BBS9: variants seen among roughly 807,000 people sequenced by gnomAD.
The protein encoded by BBS9 is protein PTHB1.
A neutral mutation model predicts 117.7 loss-of-function variants in BBS9; 89 were observed. That is an observed-to-expected ratio of 0.76 (90% CI 0.64 to 0.90). The LOEUF (loss-of-function observed/expected upper bound fraction) is 0.90, where lower values mean the gene tolerates loss of function less well. BBS9 is among the 40% of genes least tolerant of loss of function. The pLI is 0.00. For missense variants in BBS9, 982 were observed against 1,042.2 expected (o/e 0.94, Z 0.80); for synonymous variants, 379 against 370.9 (o/e 1.02, Z -0.25).
At chr7:33,338,708 C>G (rs1007837756) in intron 10 of BBS9, among the ~76,000 whole-genome samples, 4 of 152,162 alleles carry the variant, frequency 2.6e-5, no homozygotes, top group African/African-American at 4.8e-5. Context: ...CTGTATGGCT[C>G]ATGGATTCTG....
intron 19 of BBS9, among the ~76,000 whole-genome samples, chr7:33,423,019 A>G (rs185970383): frequency 7.2e-4 from 109 of 152,266 alleles, no homozygotes; most frequent in African/African-American, 2.4e-3. Flanking sequence ...TGACCCTTCT[A>G]TCAGAACTGA....
At chr7:33,301,440 TC>T (rs1200205478) in intron 9 of BBS9, among the ~76,000 whole-genome samples, 1 of 152,138 alleles carries the variant, frequency 6.6e-6, no homozygotes, top group African/African-American at 2.4e-5. Context: ...ATTCCCAGCC[TC>T]TGGTAACCAT....
At chr7:33,592,231 A>T (rs1252462747) in intron 21 of BBS9, among the ~76,000 whole-genome samples, 14 of 152,064 alleles carry the variant, frequency 9.2e-5, no homozygotes, top group Admixed American at 9.2e-4. Context: ...ATAATAGCTA[A>T]CATTTACTGG....
chr7:33,261,579 C>T (rs1481414750), intron 6 of BBS9, among the ~76,000 whole-genome samples: 1 of 152,154 alleles, frequency 6.6e-6, no homozygotes, highest in African/African-American at 2.4e-5. Flanking sequence ...AACTTCCTGC[C>T]ACTCACTGAG....
intron 21 of BBS9, among the ~76,000 whole-genome samples, chr7:33,560,206 G>A (rs10486538): frequency 0.044 from 6,765 of 152,216 alleles, 213 homozygotes; most frequent in East Asian, 0.19. Flanking sequence ...GCTGCAGGAC[G>A]GATGGGTATA....
At chr7:33,143,000 C>T (rs976825378) in intron 1 of BBS9, among the ~76,000 whole-genome samples, 25 of 151,592 alleles carry the variant, frequency 1.6e-4, no homozygotes, top group Non-Finnish European at 2.6e-4. Flanking sequence ...GATGGAGTCT[C>T]GCTCTGTCGC....
At chr7:33,135,721 A>T (rs1328927732) in intron 1 of BBS9, among the ~76,000 whole-genome samples, 3 of 152,202 alleles carry the variant, frequency 2.0e-5, no homozygotes, top group Admixed American at 2.0e-4. Context: ...CAGAGAAGCC[A>T]TCTGGGAATC....
intron 9 of BBS9, among the ~76,000 whole-genome samples, chr7:33,301,312 A>C (rs1249908129): frequency 6.6e-6 from 1 of 152,050 alleles, no homozygotes; most frequent in Non-Finnish European, 1.5e-5. Context: ...TAAATATATA[A>C]TTAAATTATT....
rs1490581798 is a variant in BBS9 at position 33,152,682 on chromosome 7, T to A, written c.113-19T>A. 6.2e-7 allele frequency: 1 copy of A among 1,603,102 alleles called. No individual in the cohort carries two copies. The highest frequency in any genetic ancestry group is 2.2e-5 in the East Asian group (1 of 44,772). On this transcript the variant is annotated intron_variant, in intron 2 of 22. Transcript: ENST00000242067. ...TGTTTGTTTCTCCCTCTATCTTTTT[T>A]TTTTTAAATTCTCTACAGATAAAAT...
In BBS9 at chr7:33,194,394, C is replaced by T. The variant is rs1285433201; in HGVS notation, c.442+16803C>T. Among the ~76,000 whole-genome samples the T allele has an allele frequency of 2.0e-5, 3 of 152,252 alleles. No individual in the cohort carries two copies. The East Asian group carries it at 5.8e-4, about 29-fold the overall frequency. ...CTTGGAAACATCTGCTTTATGGTCACCATATTTTAAAGATTGTGGTATGAA... is the reference window on the plus strand; with the variant it reads ...CTTGGAAACATCTGCTTTATGGTCATCATATTTTAAAGATTGTGGTATGAA... On this transcript the variant is annotated intron_variant, in intron 5 of 22. Transcript: ENST00000242067.
intron 21 of BBS9, among the ~76,000 whole-genome samples, chr7:33,591,054 G>C (rs1444136702): frequency 6.6e-6 from 1 of 152,016 alleles, no homozygotes; most frequent in African/African-American, 2.4e-5. Context: ...TACAGGAGCT[G>C]ATTGGTCATT....
chr7:33,491,451 G>A (rs1334749177), intron 19 of BBS9, among the ~76,000 whole-genome samples: 1 of 152,166 alleles, frequency 6.6e-6, no homozygotes, highest in Admixed American at 6.5e-5. Flanking sequence ...GGTATTCTAG[G>A]TACTAGCTCT....
intron 19 of BBS9, among the ~76,000 whole-genome samples, chr7:33,420,960 C>T (rs1267252307): frequency 6.6e-6 from 1 of 152,164 alleles, no homozygotes; most frequent in East Asian, 1.9e-4. Context: ...TCCGTATCAT[C>T]GAGGCCTCTC....
chr7:33,180,361 A>AT (rs34742892), intron 5 of BBS9, among the ~76,000 whole-genome samples: 163 of 136,974 alleles, frequency 1.2e-3, no homozygotes, highest in Middle Eastern at 3.8e-3. Flanking sequence ...CTTGCTGAGA[A>AT]TTTTTTTTTT....
intron 9 of BBS9, among the ~76,000 whole-genome samples, chr7:33,296,215 TC>T (rs766726047): frequency 2.0e-4 from 30 of 152,174 alleles, no homozygotes; most frequent in Non-Finnish European, 3.8e-4. Context: ...TCTGGAATTC[TC>T]CGTTAGAGAC....
Position 33,351,213 on chromosome 7 carries a change from T to A in BBS9, c.1433-6T>A. On this transcript the variant is annotated splice_polypyrimidine_tract_variant and splice_region_variant and intron_variant, in intron 13 of 22. Coordinates refer to ENST00000242067, the MANE Select transcript of BBS9 (RefSeq NM_198428.3). ...GTAATTTATATTATTTTTACATTGC[T>A]TATAGCACCAGATTTGACTAGAACA... 6.3e-7 allele frequency: 1 copy of A among 1,575,258 alleles called. No homozygotes were observed. Among genetic ancestry groups the A allele is most frequent in the Non-Finnish European group, 8.7e-7 (1 of 1,144,872 alleles).
chr7:33,130,598 A>G (rs1161658487), intron 1 of BBS9, among the ~76,000 whole-genome samples: 1 of 152,198 alleles, frequency 6.6e-6, no homozygotes, highest in Non-Finnish European at 1.5e-5. Flanking sequence ...GTCCTCATTG[A>G]TAAACAACTT....
intron 9 of BBS9, among the ~76,000 whole-genome samples, chr7:33,294,338 T>C (rs1562950939): frequency 2.2e-4 from 31 of 141,788 alleles, no homozygotes; most frequent in African/African-American, 8.2e-4. Context: ...TCTATCTATC[T>C]ATCTATCTAT....
intron 19 of BBS9, among the ~76,000 whole-genome samples, chr7:33,481,955 A>G (rs998285875): frequency 3.3e-5 from 5 of 152,194 alleles, no homozygotes; most frequent in Admixed American, 1.3e-4. Context: ...GACGTTTTTC[A>G]TGGGAAAATT....
Sources: gnomAD v4.1 joint callset for allele counts (sites outside exome capture counted in the v4.1 genomes callset) on GRCh38, gnomAD v4.1.1 for gene constraint, MANE v1.5 for transcripts, NCBI Gene and HGNC (gene_info 2026-07-23, HGNC 2026-07-21) for gene names.